Variants in SLC1A6 observed in about 807,000 individuals in gnomAD.
The protein encoded by SLC1A6 is excitatory amino acid transporter 4.
A neutral mutation model predicts 42.1 loss-of-function variants in SLC1A6; 15 were observed. The observed-to-expected ratio is 0.36, with a 90% CI of 0.24 to 0.55. The LOEUF is 0.55. SLC1A6 is among the 20% of genes least tolerant of loss of function. The probability of loss-of-function intolerance (pLI) is 0.88; values close to 1 mark genes in which losing one functional copy is unlikely to be tolerated. For missense variants in SLC1A6, 542 were observed against 772.5 expected, an observed-to-expected ratio of 0.70 and a Z score of 3.54; for synonymous variants, 317 against 319.7, an observed-to-expected ratio of 0.99 and a Z score of 0.09.
intron 1 of SLC1A6, among the ~76,000 whole-genome samples, chr19:14,990,668 C>T (rs2145231653): frequency 6.6e-6 from 1 of 152,114 alleles, no homozygotes; most frequent in East Asian, 1.9e-4. Flanking sequence ...ACTTAGGAAG[C>T]TGAGGCAGGA....
At position 14,989,817 on chromosome 19, in the gene SLC1A6, A is replaced by G. The variant is rs549698954; in HGVS notation, c.7-16900T>C. ...GACCAGCCTGGCCAACATGGTGAAA[A>G]CCCATCTGTACTAAACATACAAAAA... On this transcript the variant is annotated intron_variant, in intron 1 of 8. Coordinates refer to the SLC1A6 transcript ENST00000430939. Among the ~76,000 whole-genome samples, 5 of 148,570 alleles carry G rather than the reference A, an allele frequency of 3.4e-5. No homozygotes were observed. The South Asian group carries it at 1.1e-3, about 31-fold the overall frequency.
chr19:14,979,050 T>TCTCACACACACACA lies in SLC1A6; in HGVS notation c.-8+258_-8+259insTGTGTGTGTGTGAG, dbSNP rs993487319. On this transcript the variant is annotated intron_variant, in intron 1 of 9. Transcript: ENST00000594383. The surrounding 1 kb of genome is among the most constrained non-coding windows in gnomAD (Gnocchi z 4.2). ...CAAATTCAGTCTCTCTCTCTCTCTGTCACACACACACACACACACACACAC... is the reference window on the plus strand; with the variant it reads ...CAAATTCAGTCTCTCTCTCTCTCTGTCTCACACACACACACACACACACACACACACACACACAC... Among the ~76,000 whole-genome samples, 1 of 131,298 alleles carries TCTCACACACACACA rather than the reference T, an allele frequency of 7.6e-6. No homozygotes were observed. The highest frequency in any genetic ancestry group is 2.8e-5 in the African/African-American group (1 of 35,118). 86.1% of individuals were successfully genotyped at this position (131,298 alleles called of 152,430 possible).
At chr19:14,996,215 T>C (rs2145236433) in intron 1 of SLC1A6, among the ~76,000 whole-genome samples, 1 of 152,268 alleles carries the variant, frequency 6.6e-6, no homozygotes, top group East Asian at 1.9e-4. Flanking sequence ...AAAGGACAAG[T>C]ATTGTATGAT....
chr19:14,991,598 G>A (rs893516795), intron 1 of SLC1A6, among the ~76,000 whole-genome samples: 2 of 148,022 alleles, frequency 1.4e-5, no homozygotes, highest in African/African-American at 2.5e-5. Flanking sequence ...CTCCAGCCTG[G>A]GTGACAGAGG....
intron 2 of SLC1A6, 38 bp from the exon 3 acceptor site, chr19:14,971,912 G>T (rs1187467084): frequency 6.8e-6 from 11 of 1,610,614 alleles, no homozygotes; most frequent in Non-Finnish European, 9.3e-6. Flanking sequence ...CTGAAGTCTG[G>T]GTCGCTCAGC....
intron 3 of SLC1A6, among the ~76,000 whole-genome samples, chr19:14,969,912 C>T (rs2045618348): frequency 6.6e-6 from 1 of 152,144 alleles, no homozygotes; most frequent in African/African-American, 2.4e-5. Flanking sequence ...TTCAACTGCT[C>T]GAGTACACTT....
intron 4 of SLC1A6, among the ~76,000 whole-genome samples, chr19:14,966,201 T>G (rs1000684808): frequency 1.3e-5 from 2 of 152,078 alleles, no homozygotes; most frequent in Non-Finnish European, 2.9e-5. Flanking sequence ...AATTAAAAAA[T>G]TTTTCATAGG....
At position 15,000,375 on chromosome 19, in the gene SLC1A6, C is replaced by G. The variant is rs538476147; in HGVS notation, c.6+10110G>C. 1.1e-4 allele frequency among the ~76,000 whole-genome samples: 16 copies of G among 152,258 alleles called. No individual in the cohort carries two copies. The East Asian group carries it at 3.1e-3, about 29-fold the overall frequency. ...CTTCTGACCAACATCTCCCCAATTG[C>G]CCCCAATCCTAGCCTCTGGCAACCA... On this transcript the variant is annotated intron_variant, in intron 1 of 8. Coordinates refer to the SLC1A6 transcript ENST00000430939.
intron 7 of SLC1A6, 97 bp downstream of exon 7, chr19:14,956,379 G>A (rs181578797): frequency 1.4e-6 from 1 of 712,130 alleles, no homozygotes; most frequent in Admixed American, 3.0e-5. Flanking sequence ...CTCAGAAGAG[G>A]TGTTTAAGGA....
At chr19:14,991,853 T>TTTTA (rs1555709975) in intron 1 of SLC1A6, among the ~76,000 whole-genome samples, 1 of 149,706 alleles carries the variant, frequency 6.7e-6, no homozygotes, top group Non-Finnish European at 1.5e-5. Context: ...TTTTTTTTTT[T>TTTTA]TCTAGAGGGA....
At chr19:14,975,891 GAAGGA>G (rs775171990) in intron 1 of SLC1A6, among the ~76,000 whole-genome samples, 53,119 of 101,430 alleles carry the variant, frequency 0.52, 11,855 homozygotes, top group East Asian at 0.63. Flanking sequence ...GAAGGGAAGG[GAAGGA>G]AAGGGAAGGG....
rs998272217 is a variant in SLC1A6, at chr19:14,965,014, T to C, written c.549-653A>G. 2.0e-5 allele frequency among the ~76,000 whole-genome samples: 3 copies of C among 149,888 alleles called. No homozygotes were observed. The Admixed American group carries it at 2.0e-4, about 10-fold the overall frequency. ...AGTACAACCTCTATGGAAAACAGTA[T>C]GGAGATTTCTTTTTTTTTTTTTTTA... On this transcript the variant is annotated intron_variant, in intron 4 of 9. Transcript: ENST00000594383.
intron 1 of SLC1A6, among the ~76,000 whole-genome samples, chr19:15,010,321 A>T (rs2045920323): frequency 6.6e-6 from 1 of 152,164 alleles, no homozygotes; most frequent in Non-Finnish European, 1.5e-5. Context: ...GAAGACTGCA[A>T]AGTGGCCAGC....
exon 1 of SLC1A6, chr19:15,010,558 T>G: frequency 1.5e-6 from 1 of 652,408 alleles, no homozygotes; most frequent in Non-Finnish European, 2.8e-6. Context: ...AGGGCCATGT[T>G]GCTGGAAGCA....
chr19:15,001,700 A>G (rs984775313), intron 1 of SLC1A6, among the ~76,000 whole-genome samples: 3 of 149,942 alleles, frequency 2.0e-5, no homozygotes, highest in Non-Finnish European at 4.5e-5. Flanking sequence ...TCACTCTGTC[A>G]CTCAGGCTGG....
At chr19:15,009,265 T>C (rs919303834) in intron 1 of SLC1A6, among the ~76,000 whole-genome samples, 3 of 149,622 alleles carry the variant, frequency 2.0e-5, no homozygotes, top group African/African-American at 7.5e-5. Context: ...CACATAGATA[T>C]CTATATATCT....
At position 14,954,284 on chromosome 19, in the gene SLC1A6, C is replaced by T. The variant is rs200301429; in HGVS notation, c.1215G>A (p.Leu405=). The T allele has an allele frequency of 1.2e-6, 2 of 1,612,812 alleles. No homozygotes were observed. Among genetic ancestry groups the T allele is most frequent in the Non-Finnish European group, 1.7e-6 (2 of 1,180,040 alleles). Residue 405 remains leucine (L), a synonymous_variant, in exon 8 of 10, where the codon CTG becomes CTA. Coordinates refer to ENST00000594383, the MANE Select transcript of SLC1A6 (RefSeq NM_005071.3). ...PITFRCLEEG[L]GVDRRITRFV... ...ACCTGGTGATGCGGCGGTCCACACC[C>T]AGGCCCTCCTCCAGGCAGCGGAAGG...
intron 3 of SLC1A6, among the ~76,000 whole-genome samples, chr19:14,968,791 C>T (rs572279555): frequency 6.6e-6 from 1 of 152,114 alleles, no homozygotes; most frequent in Non-Finnish European, 1.5e-5. Context: ...ACCTTTTCCA[C>T]ACTTTCACCC....
chr19:14,950,045 C>T lies in SLC1A6; in HGVS notation c.*150G>A, dbSNP rs2045395921. 7 of 525,548 alleles carry T rather than the reference C, an allele frequency of 1.3e-5. No homozygotes were observed. In the Admixed American group the frequency reaches 2.5e-4, roughly 19 times the overall value. 32.6% of individuals were successfully genotyped at this position (525,548 alleles called of 1,614,324 possible). On this transcript the variant is annotated 3_prime_UTR_variant, in exon 10 of 10. Transcript: ENST00000594383. ...CAGAGACCTTATATACCTTTCATTCCTGCTCCTTTATTTCACTTTTCCCTC... is the reference window on the plus strand; with the variant it reads ...CAGAGACCTTATATACCTTTCATTCTTGCTCCTTTATTTCACTTTTCCCTC...
Sources: gnomAD v4.1 joint callset for allele counts (sites outside exome capture counted in the v4.1 genomes callset) on GRCh38, gnomAD v4.1.1 for gene constraint, Gnocchi (gnomAD v3.1) non-coding constraint, MANE v1.5 for transcripts, NCBI Gene and HGNC (gene_info 2026-07-23, HGNC 2026-07-21) for gene names.